Variants in PHLDB1 observed in about 807,000 individuals in gnomAD.
PHLDB1 encodes pleckstrin homology like domain family B member 1, also known as pleckstrin homology-like domain family B member 1.
A neutral mutation model predicts 139.3 loss-of-function variants in PHLDB1; 65 were observed. The ratio of observed to expected loss-of-function variants is 0.47; its 90% CI spans 0.38 to 0.57. The LOEUF is 0.57. Among genes scored for constraint, PHLDB1 ranks in the 20% least tolerant of loss-of-function variants. PHLDB1 has a pLI of 0.00. For synonymous variants in PHLDB1, 679 were observed against 734.5 expected (o/e 0.92, Z 1.22); for missense variants, 1,624 against 1,839.7 (o/e 0.88, Z 2.14).
In PHLDB1 at chr11:118,632,989, C is replaced by G; in HGVS notation, c.2379+693C>G. The stretch of plus-strand genomic sequence containing the variant: ...TTTGAGAATCTTAAAAATTCTTTGA[C>G]CCTTTTTTTTTTTTTTTGGAGCTTT... On this transcript the variant is annotated intron_variant, in intron 9 of 22. Coordinates refer to ENST00000600882, the MANE Select transcript of PHLDB1 (RefSeq NM_001144758.3). This position sits in a 1 kb window ranked among gnomAD's most constrained non-coding sequence, Gnocchi z 5.9. The G allele has an allele frequency of 3.9e-6, 1 of 259,570 alleles. No homozygotes were observed. The highest frequency in any genetic ancestry group is 5.5e-6 in the Non-Finnish European group (1 of 180,344). 16.1% of individuals were successfully genotyped at this position (259,570 alleles called of 1,614,324 possible).
chr11:118,655,489 A>G, intron 20 of PHLDB1, 116 bp from the exon 21 acceptor site: 1 of 698,284 alleles, frequency 1.4e-6, no homozygotes, highest in Non-Finnish European at 2.6e-6. Flanking sequence ...GTCTTGGGAG[A>G]CTAGGATCTT....
intron 6 of PHLDB1, among the ~76,000 whole-genome samples, chr11:118,628,890 A>G (rs1288469554): frequency 6.6e-5 from 10 of 152,272 alleles, no homozygotes; most frequent in African/African-American, 2.4e-4. Flanking sequence ...TTTATTCAAC[A>G]TAGCATTTGT....
chr11:118,650,638 T>G lies in PHLDB1; in HGVS notation c.3874+91T>G. 2 of 854,236 alleles carry G rather than the reference T, an allele frequency of 2.3e-6. No homozygotes were observed. The highest frequency in any genetic ancestry group is 4.0e-6 in the Non-Finnish European group (2 of 501,580). The allele number at this position is 854,236 out of a possible 1,614,324, so 52.9% of individuals were successfully genotyped here. ...TGGTCTTCTAGAAGGAGGCCAAGCT[T>G]CCAAGTAGGGGACCAGAGTCTTGGG... On this transcript the variant is annotated intron_variant, in intron 20 of 22. Coordinates refer to ENST00000600882, the MANE Select transcript of PHLDB1 (RefSeq NM_001144758.3). This position sits in a 1 kb window ranked among gnomAD's most constrained non-coding sequence, Gnocchi z 4.7.
At chr11:118,646,055 T>G (rs1036582281) in intron 17 of PHLDB1, among the ~76,000 whole-genome samples, 19 of 151,904 alleles carry the variant, frequency 1.3e-4, no homozygotes, top group Admixed American at 1.2e-3. Flanking sequence ...GGTCAGGAGA[T>G]CGAAACCATC....
At position 118,625,076 on chromosome 11, in the gene PHLDB1, G is replaced by C; in HGVS notation, c.481+17G>C. On this transcript the variant is annotated intron_variant, in intron 5 of 22. Transcript: ENST00000600882. ...CTGTTCCTGGTAGGTACCGACGGGGGCAGGGTGCTGGGTTGATGGTGTTCC... is the reference window on the plus strand; with the variant it reads ...CTGTTCCTGGTAGGTACCGACGGGGCCAGGGTGCTGGGTTGATGGTGTTCC... The C allele has an allele frequency of 1.3e-6, 2 of 1,583,048 alleles. No individual in the cohort carries two copies. Among genetic ancestry groups the C allele is most frequent in the South Asian group, 2.4e-5 (2 of 85,008 alleles).
At chr11:118,648,426 G>A (rs924048763) in intron 18 of PHLDB1, among the ~76,000 whole-genome samples, 1 of 151,884 alleles carries the variant, frequency 6.6e-6, no homozygotes, top group East Asian at 1.9e-4. Flanking sequence ...GATGGGAGCT[G>A]GTAGTCAAGA....
Position 118,616,234 on chromosome 11 carries a change from G to A in PHLDB1, c.355+23G>A, listed in dbSNP as rs369121555. 126 of 1,608,246 alleles carry A rather than the reference G, an allele frequency of 7.8e-5. No homozygotes were observed. In the African/African-American group the frequency reaches 1.6e-3, roughly 21 times the overall value. On this transcript the variant is annotated intron_variant, in intron 4 of 22. Transcript: ENST00000600882. ...AGGGTAAGGCTGGACACCTCCAGAT[G>A]GAGGGGGCCTCTGTTTAAAGGCTTG...
At chr11:118,617,837 G>T (rs1448417641) in intron 4 of PHLDB1, among the ~76,000 whole-genome samples, 1 of 152,010 alleles carries the variant, frequency 6.6e-6, no homozygotes. Context: ...TAACAGTCCT[G>T]TTCAGTCTCA....
Position 118,631,442 on chromosome 11 carries a change from A to G in PHLDB1, c.2063A>G (p.Lys688Arg). The change falls in exon 7 of 23, where the codon AAG (lysine) becomes AGG (arginine). Residue 688 changes from lysine (K) to arginine (R), a missense_variant. Lys to Arg is a conservative substitution (Grantham distance 26). Coordinates refer to ENST00000600882, the MANE Select transcript of PHLDB1 (RefSeq NM_001144758.3). Reference sequence around the variant, plus strand: ...GAGCGCTCAGATGAGGAAAATCTCAAGGAGGAGTGCAGCAGCACTGAGAGC... The same window carrying G: ...GAGCGCTCAGATGAGGAAAATCTCAGGGAGGAGTGCAGCAGCACTGAGAGC... Reference protein sequence around the residue: ...SMERSDEENLKEECSSTESTQ... With the variant: ...SMERSDEENLREECSSTESTQ... The G allele has an allele frequency of 6.9e-7, 1 of 1,440,300 alleles. No individual in the cohort carries two copies. Among genetic ancestry groups the G allele is most frequent in the Non-Finnish European group, 9.1e-7 (1 of 1,097,310 alleles). The allele number at this position is 1,440,300 out of a possible 1,614,324, so 89.2% of individuals were successfully genotyped here.
chr11:118,627,948 C>T lies in PHLDB1; in HGVS notation c.1125C>T (p.Pro375=). 6.2e-7 allele frequency: 1 copy of T among 1,613,658 alleles called. No homozygotes were observed. Among genetic ancestry groups the T allele is most frequent in the Non-Finnish European group, 8.5e-7 (1 of 1,180,010 alleles). The change falls in exon 6 of 23, where the codon CCC becomes CCT. Residue 375 remains proline, a synonymous_variant. Coordinates refer to ENST00000600882, the MANE Select transcript of PHLDB1 (RefSeq NM_001144758.3). ...CAGCTTCTGGTGCTCTCAGTCAACC[C>T]ACCAGCATTCCTGGCAGCCCCAAGT... ...EYPASGALSQ[P]TSIPGSPKFQ...
At position 118,650,093 on chromosome 11, in the gene PHLDB1, G is replaced by T; in HGVS notation, c.3671G>T (p.Arg1224Leu). 1 of 1,613,986 alleles carries T rather than the reference G, an allele frequency of 6.2e-7. No individual in the cohort carries two copies. Among genetic ancestry groups the T allele is most frequent in the Admixed American group, 1.7e-5 (1 of 60,022 alleles). ...KQFSQARPLT[R>L]YLPIRKEDFD... is the part of the protein sequence containing the mutation. ...TGCTCCCAGGCACGACCCCTGACCC[G>T]CTACCTGCCAATCCGGAAGGAGGAC... is the stretch of plus-strand genomic sequence containing the variant. Residue 1224 changes from arginine to leucine, a missense_variant, in exon 19 of 23, where the codon CGC becomes CTC. By Grantham distance (102) the Arg-to-Leu change is moderately radical (BLOSUM62 -2). Coordinates refer to ENST00000600882, the MANE Select transcript of PHLDB1 (RefSeq NM_001144758.3). The surrounding 1 kb of genome is among the most constrained non-coding windows in gnomAD (Gnocchi z 4.7).
intron 18 of PHLDB1, 39 bp downstream of exon 18, chr11:118,648,115 G>C: frequency 6.3e-7 from 1 of 1,597,016 alleles, no homozygotes; most frequent in Non-Finnish European, 8.6e-7. Flanking sequence ...TTGGTTTGAC[G>C]GTGAGGGCTG....
chr11:118,644,002 G>A (rs1279097272), intron 14 of PHLDB1, 62 bp downstream of exon 14: 7 of 1,600,284 alleles, frequency 4.4e-6, no homozygotes, highest in Non-Finnish European at 6.0e-6. Flanking sequence ...ACCCTGGGGA[G>A]AGGCCAAGAC....
At chr11:118,612,294 C>G (rs113581317) in intron 1 of PHLDB1, among the ~76,000 whole-genome samples, 2 of 152,108 alleles carry the variant, frequency 1.3e-5, no homozygotes, top group African/African-American at 4.8e-5. Context: ...GTTCTTTCTA[C>G]CAAAGGATGA....
Position 118,625,204 on chromosome 11 carries a change from G to A in PHLDB1, c.481+145G>A. 9.1e-6 allele frequency: 9 copies of A among 989,334 alleles called. No individual in the cohort carries two copies. In the South Asian group the frequency reaches 1.5e-4, roughly 17 times the overall value. The allele number at this position is 989,334 out of a possible 1,614,324, so 61.3% of individuals were successfully genotyped here. A position where few individuals can be genotyped will look rare whatever the true frequency, so the allele number is the denominator to read the frequency against. On this transcript the variant is annotated intron_variant, in intron 5 of 22. Coordinates refer to ENST00000600882, the MANE Select transcript of PHLDB1 (RefSeq NM_001144758.3). ...CTGCCACCTGCCATGGGCGGGTGGA[G>A]AATGCCAGGCAGTGGGGCCACTGAG...
intron 13 of PHLDB1, chr11:118,643,575 G>A: frequency 1.0e-6 from 1 of 985,376 alleles, no homozygotes; most frequent in Non-Finnish European, 1.2e-6. Context: ...TTAGACCCAG[G>A]GTTGGGCTAG....
At chr11:118,641,668 G>T in intron 12 of PHLDB1, 1 of 1,289,364 alleles carries the variant, frequency 7.8e-7, no homozygotes. Flanking sequence ...CATGCCCCCA[G>T]CCCCTGTGCC....
intron 13 of PHLDB1, chr11:118,643,594 C>A (rs1204174890): frequency 1.0e-6 from 1 of 985,206 alleles, no homozygotes; most frequent in Non-Finnish European, 1.2e-6. Flanking sequence ...AGGGATTGGC[C>A]CAGGGAGGAA....
chr11:118,634,694 C>G (rs1323246811), intron 9 of PHLDB1: 1 of 235,244 alleles, frequency 4.3e-6, no homozygotes. Flanking sequence ...TCACCTCTTT[C>G]CCTCCTCACT....
Sources: gnomAD v4.1 joint callset for allele counts (sites outside exome capture counted in the v4.1 genomes callset) on GRCh38, gnomAD v4.1.1 for gene constraint, Gnocchi (gnomAD v3.1) non-coding constraint, MANE v1.5 for transcripts, NCBI Gene and HGNC (gene_info 2026-07-23, HGNC 2026-07-21) for gene names.